Variants in MALRD1 observed in about 807,000 individuals in gnomAD.
MALRD1 encodes the protein MAM and LDL-receptor class A domain-containing protein 1.
In MALRD1, 247 loss-of-function variants were observed where a neutral mutation model predicts 242.1. The observed-to-expected ratio is 1.02, with a 90% confidence interval of 0.92 to 1.13. The LOEUF (loss-of-function observed/expected upper bound fraction) is 1.13, where lower values mean the gene tolerates loss of function less well. Ranked by LOEUF, MALRD1 falls within the 50% of genes most tolerant of loss-of-function variation. MALRD1 has a pLI of 0.00. For synonymous variants in MALRD1, 995 were observed against 866.6 expected (o/e 1.15, Z -2.60); for missense variants, 2,989 against 2,533.1 (o/e 1.18, Z -3.86).
Position 19,327,723 on chromosome 10 carries a change from C to T in MALRD1, c.3687+50C>T, listed in dbSNP as rs187803175. The T allele has an allele frequency of 5.3e-5, 73 of 1,381,096 alleles. No homozygotes were observed. In the East Asian group the frequency reaches 1.1e-3, roughly 21 times the overall value. The allele number at this position is 1,381,096 out of a possible 1,614,324, so 85.6% of individuals were successfully genotyped here. On this transcript the variant is annotated intron_variant, in intron 23 of 39. Transcript: ENST00000454679. ...GTGAGTGAGTTCTGCTGATTTTTTT[C>T]ATCCTCATTTATTTCCTTCTCTACT...
chr10:19,510,820 C>A (rs868123220), intron 31 of MALRD1, among the ~76,000 whole-genome samples: 38 of 151,990 alleles, frequency 2.5e-4, no homozygotes, highest in African/African-American at 4.4e-4. Context: ...TCAAATAAAT[C>A]AAAAAATAAA....
intron 29 of MALRD1, among the ~76,000 whole-genome samples, chr10:19,476,692 G>A (rs542635544): frequency 1.7e-4 from 26 of 152,214 alleles, no homozygotes; most frequent in South Asian, 8.3e-4. Flanking sequence ...CGGTCATCTC[G>A]AACCAGGATA....
At chr10:19,546,315 T>G (rs1325887039) in intron 32 of MALRD1, among the ~76,000 whole-genome samples, 1 of 152,208 alleles carries the variant, frequency 6.6e-6, no homozygotes, top group East Asian at 1.9e-4. Flanking sequence ...TCTAGTGTGT[T>G]TATGTTTACG....
At chr10:19,470,346 T>C (rs1165773576) in intron 29 of MALRD1, among the ~76,000 whole-genome samples, 1 of 152,034 alleles carries the variant, frequency 6.6e-6, no homozygotes, top group African/African-American at 2.4e-5. Flanking sequence ...CATTCATCCA[T>C]CCATGGACAT....
At chr10:19,523,853 A>G (rs140216822) in intron 31 of MALRD1, among the ~76,000 whole-genome samples, 75 of 152,218 alleles carry the variant, frequency 4.9e-4, no homozygotes, top group East Asian at 3.9e-3. Flanking sequence ...AGTTTATAAT[A>G]TTGACTTTGA....
At chr10:19,136,539 T>A in intron 9 of MALRD1, 35 bp from the exon 10 acceptor site, 10 of 1,168,572 alleles carry the variant, frequency 8.6e-6, no homozygotes, top group Non-Finnish European at 1.1e-5. Context: ...TTAAGGAGAT[T>A]GCAAACTCAT....
At chr10:19,685,009 A>G (rs1445085525) in intron 36 of MALRD1, among the ~76,000 whole-genome samples, 1 of 152,190 alleles carries the variant, frequency 6.6e-6, no homozygotes, top group Non-Finnish European at 1.5e-5. Context: ...ATCTCTCCAG[A>G]AAAAATCAGT....
intron 32 of MALRD1, among the ~76,000 whole-genome samples, chr10:19,559,562 G>C (rs149046109): frequency 1.3e-5 from 2 of 151,854 alleles, no homozygotes; most frequent in Non-Finnish European, 2.9e-5. Flanking sequence ...TGTAGAATTC[G>C]TGTGTGAATC....
At chr10:19,230,772 G>A (rs1406359138) in intron 18 of MALRD1, among the ~76,000 whole-genome samples, 1 of 152,114 alleles carries the variant, frequency 6.6e-6, no homozygotes, top group East Asian at 1.9e-4. Context: ...GTTCTCTAAA[G>A]GTTCTTAAAA....
At chr10:19,605,889 A>C (rs1320302481) in intron 34 of MALRD1, among the ~76,000 whole-genome samples, 8 of 152,112 alleles carry the variant, frequency 5.3e-5, no homozygotes, top group Admixed American at 5.2e-4. Context: ...TGAACTCTAC[A>C]TTCTCAGTTC....
At position 19,559,274 on chromosome 10, in the gene MALRD1, A is replaced by G. The variant is rs188725147; in HGVS notation, c.5479-8228A>G. On this transcript the variant is annotated intron_variant, in intron 32 of 39. Coordinates refer to ENST00000454679, the MANE Select transcript of MALRD1 (RefSeq NM_001142308.3). ...AGTGATGGTTCTTTTGTCATTTTCA[A>G]TATTAATGCTTTGGGTCTTCTCTCT... is the stretch of plus-strand genomic sequence containing the variant. Among the ~76,000 whole-genome samples, 355 of 152,058 alleles carry G rather than the reference A, an allele frequency of 2.3e-3. 1 individual carries two copies. Among genetic ancestry groups the G allele is most frequent in the Non-Finnish European group, 2.3e-3 (157 of 67,974 alleles).
At chr10:19,486,644 C>G (rs1837249417) in intron 29 of MALRD1, among the ~76,000 whole-genome samples, 1 of 152,114 alleles carries the variant, frequency 6.6e-6, no homozygotes, top group African/African-American at 2.4e-5. Context: ...CTTAGAAATG[C>G]ATGTCCATAT....
chr10:19,140,526 G>GGT (rs778477235), intron 10 of MALRD1, among the ~76,000 whole-genome samples: 1,348 of 111,574 alleles, frequency 0.012, 11 homozygotes, highest in Admixed American at 0.018. Context: ...AAACAAGTGG[G>GGT]GTGTGTGTGT....
intron 28 of MALRD1, among the ~76,000 whole-genome samples, chr10:19,416,816 C>T (rs1452568933): frequency 1.3e-5 from 2 of 152,196 alleles, no homozygotes; most frequent in Non-Finnish European, 2.9e-5. Context: ...TTTCTTTACT[C>T]TGCTTCCCTG....
intron 19 of MALRD1, among the ~76,000 whole-genome samples, chr10:19,269,908 T>G (rs1840131872): frequency 6.6e-6 from 1 of 152,250 alleles, no homozygotes; most frequent in Admixed American, 6.5e-5. Context: ...TCTCTACTTT[T>G]CCTCAGTATG....
rs575323529 is a variant in MALRD1, at chr10:19,401,892, T to G, written c.4845+12283T>G. On this transcript the variant is annotated intron_variant, in intron 28 of 39. Transcript: ENST00000454679. ...GCATTTGTCTTGTGTACTTTTTATG[T>G]AATTTTGAAGAACTCTAATACCACT... 1.7e-4 allele frequency among the ~76,000 whole-genome samples: 26 copies of G among 152,322 alleles called. No homozygotes were observed. The South Asian group carries it at 4.3e-3, about 25-fold the overall frequency.
At chr10:19,700,553 C>G (rs555306307) in intron 38 of MALRD1, among the ~76,000 whole-genome samples, 1 of 152,224 alleles carries the variant, frequency 6.6e-6, no homozygotes, top group East Asian at 1.9e-4. Flanking sequence ...TATTTTTAAA[C>G]TACCTTGTTG....
At chr10:19,343,257 A>T (rs1283247357) in intron 24 of MALRD1, among the ~76,000 whole-genome samples, 1 of 152,148 alleles carries the variant, frequency 6.6e-6, no homozygotes, top group African/African-American at 2.4e-5. Context: ...TGAAATAATT[A>T]TGAATTCATA....
intron 19 of MALRD1, among the ~76,000 whole-genome samples, chr10:19,270,137 A>G (rs1036696888): frequency 1.3e-5 from 2 of 152,184 alleles, no homozygotes; most frequent in African/African-American, 2.4e-5. Context: ...CAACACGGTG[A>G]AACCCGGTCT....
Sources: allele counts gnomAD v4.1 joint callset (sites outside exome capture counted in the v4.1 genomes callset), GRCh38; gene constraint gnomAD v4.1.1; transcripts MANE v1.5; gene names NCBI Gene and HGNC (gene_info 2026-07-23, HGNC 2026-07-21).